LIN28B: variants seen among roughly 807,000 people sequenced by gnomAD.
The protein encoded by LIN28B is lin-28 RNA binding posttranscriptional regulator B, also known as protein lin-28 homolog B.
Under a neutral mutation model 21.9 loss-of-function variants are expected in LIN28B, and 5 were observed. That is an observed-to-expected ratio of 0.23 (90% CI 0.12 to 0.48). The LOEUF (loss-of-function observed/expected upper bound fraction) is 0.48. Among genes scored for constraint, LIN28B ranks in the 20% least tolerant of loss-of-function variants. The pLI, the probability that LIN28B is intolerant of heterozygous loss-of-function variation, is 0.98. For synonymous variants in LIN28B, 109 were observed against 111.3 expected (o/e 0.98, Z 0.13); for missense variants, 245 against 310.5 (o/e 0.79, Z 1.58).
intron 2 of LIN28B, among the ~76,000 whole-genome samples, chr6:104,945,189 C>T (rs1778142307): frequency 6.6e-6 from 1 of 151,942 alleles, no homozygotes; most frequent in African/African-American, 2.4e-5. Context: ...TATGTGTTAT[C>T]TTTTGTATTA....
intron 3 of LIN28B, among the ~76,000 whole-genome samples, chr6:105,047,578 G>T (rs1771797140): frequency 6.6e-6 from 1 of 152,098 alleles, no homozygotes; most frequent in South Asian, 2.1e-4. Context: ...GCTTGATGGG[G>T]ATGGCATTGA....
intron 3 of LIN28B, among the ~76,000 whole-genome samples, chr6:105,076,238 C>A (rs1006017991): frequency 6.7e-6 from 1 of 150,006 alleles, no homozygotes; most frequent in African/African-American, 2.4e-5. Context: ...GTTTTTTTTT[C>A]TCTTTTTGAA....
intron 2 of LIN28B, among the ~76,000 whole-genome samples, chr6:104,997,607 G>T (rs1002769211): frequency 1.3e-5 from 2 of 149,080 alleles, no homozygotes; most frequent in South Asian, 4.2e-4. Flanking sequence ...ATATAGACCT[G>T]ACTGCTAAAA....
intron 2 of LIN28B, among the ~76,000 whole-genome samples, chr6:105,002,565 C>T (rs9500009): frequency 0.022 from 3,410 of 152,140 alleles, 154 homozygotes; most frequent in African/African-American, 0.079. Flanking sequence ...GTATTTTAAG[C>T]GTGCAGTAGT....
chr6:104,957,037 A>G, upstream of LIN28B: 1 of 1,413,804 alleles, frequency 7.1e-7, no homozygotes, highest in Non-Finnish European at 9.2e-7. Context: ...ATTAGTAGCA[A>G]GAAAGCATGT....
chr6:105,025,109 AT>A (rs1418791750), intron 2 of LIN28B, among the ~76,000 whole-genome samples: 1 of 152,092 alleles, frequency 6.6e-6, no homozygotes, highest in Non-Finnish European at 1.5e-5. Flanking sequence ...AATCTTTTGA[AT>A]TTACAAATGA....
At chr6:105,073,332 G>A (rs1282670572) in intron 3 of LIN28B, among the ~76,000 whole-genome samples, 3 of 152,046 alleles carry the variant, frequency 2.0e-5, no homozygotes, top group Admixed American at 1.3e-4. Context: ...TTTAGTTCCT[G>A]TAATTTTTTT....
At chr6:104,949,539 T>TA (rs1582858211) in intron 2 of LIN28B, among the ~76,000 whole-genome samples, 1 of 152,212 alleles carries the variant, frequency 6.6e-6, no homozygotes, top group Non-Finnish European at 1.5e-5. Context: ...GATTGCAACT[T>TA]AAATAATTTG....
intron 3 of LIN28B, among the ~76,000 whole-genome samples, chr6:105,042,280 A>C (rs138007053): frequency 0.013 from 1,975 of 152,338 alleles, 54 homozygotes; most frequent in African/African-American, 0.046. Context: ...CAGAGTAGCC[A>C]GTCTGTAAAC....
intron 2 of LIN28B, among the ~76,000 whole-genome samples, chr6:104,989,271 G>A (rs1770410149): frequency 6.6e-6 from 1 of 152,004 alleles, no homozygotes; most frequent in Non-Finnish European, 1.5e-5. Flanking sequence ...TGTCAGAGTA[G>A]GGCAGTGATG....
At chr6:104,998,193 C>T (rs1301636497) in intron 2 of LIN28B, among the ~76,000 whole-genome samples, 3 of 152,104 alleles carry the variant, frequency 2.0e-5, no homozygotes, top group Middle Eastern at 3.4e-3. Flanking sequence ...GTTATAAGAC[C>T]CCACAAGGTT....
upstream of LIN28B, among the ~76,000 whole-genome samples, chr6:104,956,408 C>T (rs993140287): frequency 6.6e-6 from 1 of 152,148 alleles, no homozygotes; most frequent in African/African-American, 2.4e-5. Context: ...CCTTACCAAC[C>T]CCCTCTAAAA....
intron 3 of LIN28B, among the ~76,000 whole-genome samples, chr6:105,043,422 A>G (rs1431139201): frequency 1.3e-5 from 2 of 150,822 alleles, no homozygotes; most frequent in Non-Finnish European, 3.0e-5. Flanking sequence ...CATGAGTAAA[A>G]CTAAGCTCAG....
chr6:104,999,930 C>T (rs572577738), intron 2 of LIN28B, among the ~76,000 whole-genome samples: 1 of 152,256 alleles, frequency 6.6e-6, no homozygotes, highest in Non-Finnish European at 1.5e-5. Flanking sequence ...GATCCGCCTG[C>T]CTCGGCCTCC....
intron 2 of LIN28B, among the ~76,000 whole-genome samples, chr6:104,991,043 G>A (rs1282961514): frequency 6.6e-6 from 1 of 152,182 alleles, no homozygotes; most frequent in Non-Finnish European, 1.5e-5. Context: ...AACTGCCATC[G>A]TCATCATGGC....
chr6:105,051,556 A>G (rs766503049), intron 3 of LIN28B, among the ~76,000 whole-genome samples: 35 of 152,070 alleles, frequency 2.3e-4, no homozygotes, highest in Non-Finnish European at 4.6e-4. Context: ...TAAGTTTCAA[A>G]TAAATCTGCA....
intron 2 of LIN28B, among the ~76,000 whole-genome samples, chr6:104,971,012 G>T (rs781189162): frequency 6.6e-6 from 1 of 151,984 alleles, no homozygotes; most frequent in South Asian, 2.1e-4. Flanking sequence ...TTAAATATTT[G>T]ATCTTTAAAG....
At chr6:104,983,559 G>C (rs1770269550) in intron 2 of LIN28B, among the ~76,000 whole-genome samples, 1 of 152,050 alleles carries the variant, frequency 6.6e-6, no homozygotes, top group Non-Finnish European at 1.5e-5. Context: ...TGCTAGCCCA[G>C]TGATTCTCCA....
chr6:104,968,195 C>A (rs1409541643), intron 2 of LIN28B, among the ~76,000 whole-genome samples: 1 of 152,018 alleles, frequency 6.6e-6, no homozygotes, highest in Non-Finnish European at 1.5e-5. Flanking sequence ...CCAGTTAATT[C>A]TCATTGTTTG....
Sources: gnomAD v4.1 joint callset for allele counts (sites outside exome capture counted in the v4.1 genomes callset) on GRCh38, gnomAD v4.1.1 for gene constraint, MANE v1.5 for transcripts, NCBI Gene and HGNC (gene_info 2026-07-23, HGNC 2026-07-21) for gene names.